KLHL6: variants seen among roughly 807,000 people sequenced by gnomAD.
KLHL6 encodes kelch-like protein 6.
A neutral mutation model predicts 58.6 loss-of-function variants in KLHL6; 41 were observed. That is an observed-to-expected ratio of 0.70 (90% confidence interval 0.55 to 0.91). KLHL6 has a LOEUF of 0.91. KLHL6 is among the 40% of genes least tolerant of loss of function. KLHL6 has a pLI of 0.00. For synonymous variants in KLHL6, 338 were observed against 322.7 expected (o/e 1.05, Z -0.51); for missense variants, 714 against 805.6 (o/e 0.89, Z 1.38).
intron 1 of KLHL6, among the ~76,000 whole-genome samples, chr3:183,541,973 G>T (rs1278606696): frequency 1.3e-5 from 2 of 152,016 alleles, no homozygotes; most frequent in East Asian, 3.9e-4. Flanking sequence ...GAGTCAGTTT[G>T]CTTTGTGTTC....
At chr3:183,514,808 A>G (rs1258380691) in intron 2 of KLHL6, among the ~76,000 whole-genome samples, 1 of 151,920 alleles carries the variant, frequency 6.6e-6, no homozygotes, top group Non-Finnish European at 1.5e-5. Flanking sequence ...AGCTGGGACT[A>G]CAGGGGCACG....
intron 2 of KLHL6, among the ~76,000 whole-genome samples, chr3:183,509,458 T>C (rs1718117109): frequency 6.6e-6 from 1 of 152,170 alleles, no homozygotes; most frequent in Non-Finnish European, 1.5e-5. Context: ...GATGAAAGGA[T>C]GTAGGTCAAA....
intron 2 of KLHL6, among the ~76,000 whole-genome samples, chr3:183,515,563 A>G (rs888601043): frequency 4.6e-5 from 7 of 152,128 alleles, no homozygotes; most frequent in African/African-American, 1.7e-4. Flanking sequence ...AACTAAAAAT[A>G]AAAAGGAAAA....
At position 183,492,259 on chromosome 3, in the gene KLHL6, C is replaced by A; in HGVS notation, c.1565-31G>T. 6.5e-7 allele frequency: 1 copy of A among 1,539,082 alleles called. No homozygotes were observed. Among genetic ancestry groups the A allele is most frequent in the South Asian group, 1.2e-5 (1 of 81,140 alleles). On this transcript the variant is annotated intron_variant, in intron 6 of 6. Transcript: ENST00000341319. This position sits in a 1 kb window ranked among gnomAD's most constrained non-coding sequence, Gnocchi z 5.9. ...GAGAGGGAGGAAACACGGTGGGCAT[C>A]GCTCCATTTTTCTGGTTTCTTCCCT...
intron 1 of KLHL6, among the ~76,000 whole-genome samples, chr3:183,530,218 G>C (rs1187985311): frequency 2.6e-5 from 4 of 152,210 alleles, no homozygotes; most frequent in African/African-American, 9.6e-5. Context: ...CTTTGGAACT[G>C]AGTCATGAGT....
intron 1 of KLHL6, among the ~76,000 whole-genome samples, chr3:183,534,894 A>ATATGTATG (rs1005766726): frequency 2.0e-5 from 3 of 149,874 alleles, no homozygotes; most frequent in South Asian, 2.1e-4. Context: ...ATATATGTAT[A>ATATGTATG]TATGTATGTA....
chr3:183,492,590 C>T lies in KLHL6; in HGVS notation c.1468G>A (p.Asp490Asn). 1 of 1,614,208 alleles carries T rather than the reference C, an allele frequency of 6.2e-7. No homozygotes were observed. The highest frequency in any genetic ancestry group is 8.5e-7 in the Non-Finnish European group (1 of 1,180,030). The change falls in exon 6 of 7, where the codon GAC (aspartate) becomes AAC (asparagine). Residue 490 changes from aspartate to asparagine, a missense_variant. Asp to Asn is a conservative substitution (Grantham distance 23, BLOSUM62 1). Around this residue, in one of 2 missense-constraint regions of KLHL6, gnomAD observed 510 missense variants for 629.7 expected, o/e 0.81. Coordinates refer to ENST00000341319, the MANE Select transcript of KLHL6 (RefSeq NM_130446.4). This position sits in a 1 kb window ranked among gnomAD's most constrained non-coding sequence, Gnocchi z 5.9. ...KLATDKTQCY[D>N]PSTNKWSLKA... ...AAACTCCACTTGTTGGTGGAAGGGT[C>T]ATAACACTGAGTCTTGTCTGTGGCC...
intron 1 of KLHL6, among the ~76,000 whole-genome samples, chr3:183,545,704 A>T (rs1427086621): frequency 2.6e-5 from 4 of 152,180 alleles, no homozygotes; most frequent in Non-Finnish European, 5.9e-5. Context: ...GTGCAAAAAA[A>T]CAAAAGAACT....
At position 183,491,868 on chromosome 3, in the gene KLHL6, T is replaced by G; in HGVS notation, c.*59A>C. On this transcript the variant is annotated 3_prime_UTR_variant, in exon 7 of 7. Transcript: ENST00000341319. ...TGCCTGAAGTGGGACTGGAGGAGGGTGAGAGGTGAGGCGGGTACGCTGAGG... is the reference window on the plus strand; with the variant it reads ...TGCCTGAAGTGGGACTGGAGGAGGGGGAGAGGTGAGGCGGGTACGCTGAGG... The G allele has an allele frequency of 3.6e-6, 5 of 1,384,604 alleles. No individual in the cohort carries two copies. Among genetic ancestry groups the G allele is most frequent in the South Asian group, 1.7e-5 (1 of 59,744 alleles). The allele number at this position is 1,384,604 out of a possible 1,614,324, so 85.8% of individuals were successfully genotyped here.
rs548573217 is a variant in KLHL6, at chr3:183,504,501, G to A, written c.909+3558C>T. On this transcript the variant is annotated intron_variant, in intron 3 of 6. Transcript: ENST00000341319. ...TGTCTGACTCTGCCCCCAGCACCTC[G>A]GAAATACAAAAGGCAATAAAAATAT... Among the ~76,000 whole-genome samples the A allele has an allele frequency of 4.3e-4, 66 of 152,144 alleles. No individual in the cohort carries two copies. In the Middle Eastern group the frequency reaches 0.01, roughly 24 times the overall value.
intron 2 of KLHL6, among the ~76,000 whole-genome samples, chr3:183,519,210 A>G (rs1260111023): frequency 6.6e-6 from 1 of 152,186 alleles, no homozygotes; most frequent in Non-Finnish European, 1.5e-5. Flanking sequence ...AGGGGCACAG[A>G]TGTAGCTGAG....
rs577120163 is a variant in KLHL6 at position 183,494,427 on chromosome 3, T to C, written c.1148-146A>G. 7.6e-6 allele frequency: 5 copies of C among 659,088 alleles called. No individual in the cohort carries two copies. The African/African-American group carries it at 9.0e-5, about 12-fold the overall frequency. 40.8% of individuals were successfully genotyped at this position (659,088 alleles called of 1,614,324 possible). A position where few individuals can be genotyped will look rare whatever the true frequency, so the allele number is the denominator to read the frequency against. Reference sequence around the variant, plus strand: ...TACAAGAAACCCAGCAGGTGTGTGATGTCTGGCAGGGGAGATGAGGCAAAT... The same window carrying C: ...TACAAGAAACCCAGCAGGTGTGTGACGTCTGGCAGGGGAGATGAGGCAAAT... On this transcript the variant is annotated intron_variant, in intron 4 of 6. Transcript: ENST00000341319.
chr3:183,555,334 T>C (rs1174434432), intron 1 of KLHL6, 27 bp downstream of exon 1: 4 of 1,605,318 alleles, frequency 2.5e-6, no homozygotes, highest in Admixed American at 1.7e-5. Context: ...TTGCACCCAA[T>C]TTGACTCTGG....
chr3:183,497,104 C>A (rs1272146829), intron 4 of KLHL6, among the ~76,000 whole-genome samples: 1 of 152,182 alleles, frequency 6.6e-6, no homozygotes, highest in Non-Finnish European at 1.5e-5. Context: ...ATGGTGAGCC[C>A]CCCACCTACC....
intron 1 of KLHL6, among the ~76,000 whole-genome samples, chr3:183,552,610 CAG>C (rs1434849406): frequency 1.3e-5 from 2 of 149,780 alleles, no homozygotes; most frequent in Non-Finnish European, 2.9e-5. Flanking sequence ...CCCAGCTACT[CAG>C]GGGGCTGAGG....
At chr3:183,500,934 G>A (rs1247195703) in intron 3 of KLHL6, among the ~76,000 whole-genome samples, 1 of 152,168 alleles carries the variant, frequency 6.6e-6, no homozygotes, top group Non-Finnish European at 1.5e-5. Flanking sequence ...ATCCAACCAA[G>A]AGCCACAAAT....
chr3:183,541,667 C>A (rs1712556058), intron 1 of KLHL6, among the ~76,000 whole-genome samples: 1 of 152,082 alleles, frequency 6.6e-6, no homozygotes, highest in South Asian at 2.1e-4. Flanking sequence ...TAGCAAGCCT[C>A]TAAAAAACAC....
chr3:183,502,314 A>AC (rs1273083165), intron 3 of KLHL6, among the ~76,000 whole-genome samples: 1 of 151,814 alleles, frequency 6.6e-6, no homozygotes. Context: ...AAAAAAAAAA[A>AC]AATGAGTGAA....
chr3:183,529,123 A>T (rs1399800455), intron 1 of KLHL6, among the ~76,000 whole-genome samples: 13 of 152,298 alleles, frequency 8.5e-5, no homozygotes, highest in Admixed American at 7.8e-4. Context: ...CATAGAGGGG[A>T]ACAACACACA....
Sources: gnomAD v4.1 joint callset for allele counts (sites outside exome capture counted in the v4.1 genomes callset) on GRCh38, gnomAD v4.1.1 for gene constraint, gnomAD v4.1.1 regional missense constraint, Gnocchi (gnomAD v3.1) non-coding constraint, MANE v1.5 for transcripts, NCBI Gene and HGNC (gene_info 2026-07-23, HGNC 2026-07-21) for gene names.